Variants in ARHGAP22 observed in about 807,000 individuals in gnomAD.
The protein encoded by ARHGAP22 is Rho GTPase activating protein 22.
ARHGAP22 carries 48 observed loss-of-function variants against 59.1 expected under a neutral mutation model. The observed-to-expected ratio is 0.81, with a 90% confidence interval of 0.64 to 1.03. The LOEUF is 1.03. ARHGAP22 is among the 50% of genes least tolerant of loss of function. The pLI is 0.00. For missense variants in ARHGAP22, 1,015 were observed against 958.7 expected (o/e 1.06, Z -0.78); for synonymous variants, 445 against 416.4 (o/e 1.07, Z -0.84).
intron 2 of ARHGAP22, 149 bp from the exon 3 acceptor site, chr10:48,555,699 C>A: frequency 1.5e-6 from 1 of 688,308 alleles, no homozygotes; most frequent in Middle Eastern, 3.2e-4. Flanking sequence ...GCACACACCT[C>A]CTCTCCTAGG....
chr10:48,593,183 T>C (rs2059869767), intron 1 of ARHGAP22, among the ~76,000 whole-genome samples: 1 of 152,238 alleles, frequency 6.6e-6, no homozygotes, highest in African/African-American at 2.4e-5. Flanking sequence ...ACATTACTTT[T>C]TCAACGACAC....
chr10:48,516,549 T>TAAAC (rs1316844179), intron 3 of ARHGAP22, among the ~76,000 whole-genome samples: 2 of 151,694 alleles, frequency 1.3e-5, no homozygotes, highest in Admixed American at 6.6e-5. Context: ...AATAAATAAA[T>TAAAC]AAACAAAACC....
At chr10:48,500,381 G>T (rs1001891382) in intron 3 of ARHGAP22, among the ~76,000 whole-genome samples, 4 of 151,690 alleles carry the variant, frequency 2.6e-5, no homozygotes, top group Admixed American at 1.3e-4. Flanking sequence ...CCTGAGTAGA[G>T]CTACTCAGTA....
intron 1 of ARHGAP22, among the ~76,000 whole-genome samples, chr10:48,596,236 G>T (rs1467372339): frequency 2.0e-5 from 3 of 152,196 alleles, no homozygotes; most frequent in Non-Finnish European, 4.4e-5. Flanking sequence ...AGCGGATCTG[G>T]TGTTCATTTA....
intron 7 of ARHGAP22, 98 bp from the exon 8 acceptor site, chr10:48,453,523 T>C (rs1365200035): frequency 5.1e-6 from 8 of 1,554,982 alleles, no homozygotes; most frequent in Non-Finnish European, 7.0e-6. Flanking sequence ...TGCTGAGCCC[T>C]GCTGCCTGTG....
chr10:48,642,270 G>A (rs1323416278), intron 1 of ARHGAP22, among the ~76,000 whole-genome samples: 21 of 152,236 alleles, frequency 1.4e-4, no homozygotes, highest in African/African-American at 2.4e-4. Context: ...AAAAGAGCCC[G>A]CATTGCCAAG....
At chr10:48,524,496 C>T (rs138028246) in intron 3 of ARHGAP22, among the ~76,000 whole-genome samples, 1,625 of 144,114 alleles carry the variant, frequency 0.011, 55 homozygotes, top group South Asian at 0.093. Context: ...GGGCTGCCTC[C>T]GCCTCCCTGG....
At chr10:48,440,350 G>T in the ARHGAP22 span, among the ~76,000 whole-genome samples, 183 of 152,270 alleles carry the variant, frequency 1.2e-3, no homozygotes, top group Non-Finnish European at 2.1e-3. Flanking sequence ...ATCCATTAAT[G>T]GAAGCATATA....
At chr10:48,513,961 T>C (rs2053045832) in intron 3 of ARHGAP22, among the ~76,000 whole-genome samples, 3 of 152,030 alleles carry the variant, frequency 2.0e-5, no homozygotes, top group Admixed American at 1.3e-4. Flanking sequence ...ATAAAAATTA[T>C]AAAAAGAAAC....
Position 48,583,103 on chromosome 10 carries a change from C to A in ARHGAP22, c.84G>T (p.Arg28=). ...GGCCCAGCCTGTGAGGGCACGGCAT[C>A]CGCCCAGGGCTCCGGCTCTGCTCCC... ...VMGEQSRSPG[R]MPCPHRLGPV... The change falls in exon 2 of 10, where the codon CGG becomes CGT. Residue 28 remains arginine, a synonymous_variant. Coordinates refer to ENST00000249601, the MANE Select transcript of ARHGAP22 (RefSeq NM_021226.4). 6.2e-7 allele frequency: 1 copy of A among 1,614,276 alleles called. No individual in the cohort carries two copies. Among genetic ancestry groups the A allele is most frequent in the Non-Finnish European group, 8.5e-7 (1 of 1,180,052 alleles).
chr10:48,653,479 G>T (rs2062641940), upstream of ARHGAP22, among the ~76,000 whole-genome samples: 1 of 152,232 alleles, frequency 6.6e-6, no homozygotes, highest in African/African-American at 2.4e-5. Flanking sequence ...GACAGTTCCT[G>T]CTGCTAATGT....
chr10:48,484,346 C>T (rs1353880053), intron 3 of ARHGAP22, among the ~76,000 whole-genome samples: 1 of 152,154 alleles, frequency 6.6e-6, no homozygotes, highest in Non-Finnish European at 1.5e-5. Flanking sequence ...GGGAGAAATC[C>T]CGCTTGGTAA....
chr10:48,543,532 A>G (rs901744617), intron 3 of ARHGAP22, among the ~76,000 whole-genome samples: 4 of 152,210 alleles, frequency 2.6e-5, no homozygotes, highest in African/African-American at 4.8e-5. Context: ...GATTAAGTAT[A>G]AAGTTTTTTT....
intron 3 of ARHGAP22, among the ~76,000 whole-genome samples, chr10:48,504,995 AG>A (rs1333045880): frequency 6.6e-6 from 1 of 152,076 alleles, no homozygotes; most frequent in African/African-American, 2.4e-5. Context: ...CAATGGGGAG[AG>A]GGGGTGCCCC....
intron 1 of ARHGAP22, among the ~76,000 whole-genome samples, chr10:48,600,813 C>T (rs1009532126): frequency 3.3e-5 from 5 of 152,160 alleles, no homozygotes; most frequent in Non-Finnish European, 5.9e-5. Flanking sequence ...TCTGCTGTCA[C>T]GGAAGGTTAT....
At chr10:48,469,653 C>T (rs1216603249) in intron 4 of ARHGAP22, among the ~76,000 whole-genome samples, 1 of 152,222 alleles carries the variant, frequency 6.6e-6, no homozygotes, top group Non-Finnish European at 1.5e-5. Flanking sequence ...TGCGCTGCCC[C>T]CAGCCCCACT....
intron 3 of ARHGAP22, among the ~76,000 whole-genome samples, chr10:48,499,002 T>G (rs2051233492): frequency 6.6e-6 from 1 of 151,790 alleles, no homozygotes; most frequent in African/African-American, 2.4e-5. Flanking sequence ...AAGAGACCCC[T>G]CTCCATGGAA....
At chr10:48,463,577 C>G (rs551994447) in intron 4 of ARHGAP22, among the ~76,000 whole-genome samples, 1 of 152,162 alleles carries the variant, frequency 6.6e-6, no homozygotes, top group Non-Finnish European at 1.5e-5. Flanking sequence ...CCTTCATGGG[C>G]CTGTGAGTGG....
chr10:48,604,734 C>T, intron 1 of ARHGAP22, 29 bp downstream of exon 1: 1 of 1,614,212 alleles, frequency 6.2e-7, no homozygotes, highest in Non-Finnish European at 8.5e-7. Flanking sequence ...CATGCGGTGC[C>T]CAGAGAAACC....
Sources: gnomAD v4.1 joint callset for allele counts (sites outside exome capture counted in the v4.1 genomes callset) on GRCh38, gnomAD v4.1.1 for gene constraint, MANE v1.5 for transcripts, NCBI Gene and HGNC (gene_info 2026-07-23, HGNC 2026-07-21) for gene names.